Variants in EGFR observed in about 807,000 individuals in gnomAD.
EGFR encodes the protein avian erythroblastic leukemia viral (v-erb-b) oncogene homolog.
Under a neutral mutation model 143.0 loss-of-function variants are expected in EGFR, and 58 were observed. The observed-to-expected ratio is 0.41, with a 90% CI of 0.33 to 0.50. The LOEUF is 0.50. EGFR is among the 20% of genes least tolerant of loss of function. EGFR has a pLI of 0.39. For missense variants in EGFR, 1,307 were observed against 1,579.0 expected (o/e 0.83, Z 2.92); for synonymous variants, 613 against 594.4 (o/e 1.03, Z -0.45).
intron 19 of EGFR, among the ~76,000 whole-genome samples, chr7:55,175,344 C>A (rs1786550471): frequency 6.6e-6 from 1 of 152,232 alleles, no homozygotes; most frequent in Non-Finnish European, 1.5e-5. Flanking sequence ...TCTGTACTTT[C>A]TCTCAGAATA....
rs116709001 is a variant in EGFR, at chr7:55,106,585, G to A, written c.89-35701G>A. On this transcript the variant is annotated intron_variant, in intron 1 of 27. Transcript: ENST00000275493. ...CAAAAATCAGGCCTGCACTGCCTGT[G>A]CACTCCACAATCCACAGGCCTGAAG... Among the ~76,000 whole-genome samples the A allele has an allele frequency of 2.3e-3, 356 of 152,262 alleles. 1 individual carries two copies. Among genetic ancestry groups the A allele is most frequent in the African/African-American group, 8.3e-3 (343 of 41,544 alleles).
intron 1 of EGFR, among the ~76,000 whole-genome samples, chr7:55,120,249 A>T (rs1331080852): frequency 6.6e-6 from 1 of 152,166 alleles, no homozygotes; most frequent in Non-Finnish European, 1.5e-5. Context: ...GGGGGACGCC[A>T]CCCACCCTCG....
chr7:55,205,687 CT>C lies in EGFR; in HGVS notation c.*71del. On this transcript the variant is annotated 3_prime_UTR_variant, in exon 28 of 28. Transcript: ENST00000275493. ...ACCCAGGACCAAGCCACAGCAGGTC[CT>C]CCATCCCAACAGCCATGCCCGCATT... The C allele has an allele frequency of 6.2e-7, 1 of 1,612,190 alleles. No homozygotes were observed. Among genetic ancestry groups the C allele is most frequent in the South Asian group, 1.1e-5 (1 of 90,774 alleles).
chr7:55,156,298 G>A (rs1393905133), intron 8 of EGFR, among the ~76,000 whole-genome samples: 1 of 152,210 alleles, frequency 6.6e-6, no homozygotes, highest in Non-Finnish European at 1.5e-5. Flanking sequence ...TGAGGTGACA[G>A]GGATGGCATC....
chr7:55,140,726 C>A (rs984023586), intron 1 of EGFR, among the ~76,000 whole-genome samples: 16 of 152,168 alleles, frequency 1.1e-4, no homozygotes, highest in Admixed American at 1.0e-3. Context: ...AATAATTCTG[C>A]CCCTGGTGAT....
chr7:55,148,859 CA>C (rs35004531), intron 4 of EGFR, among the ~76,000 whole-genome samples: 63 of 143,470 alleles, frequency 4.4e-4, no homozygotes, highest in Middle Eastern at 3.5e-3. Flanking sequence ...TAGTCTTCAC[CA>C]AAAAAAAAAA....
At chr7:55,187,414 G>T (rs1480973649) in intron 20 of EGFR, among the ~76,000 whole-genome samples, 3 of 152,300 alleles carry the variant, frequency 2.0e-5, no homozygotes, top group African/African-American at 4.8e-5. Flanking sequence ...GATCCAGGTG[G>T]CCTGGTTCCA....
At chr7:55,202,205 A>G (rs1436804606) in intron 26 of EGFR, among the ~76,000 whole-genome samples, 1 of 152,200 alleles carries the variant, frequency 6.6e-6, no homozygotes, top group East Asian at 1.9e-4. Flanking sequence ...AATAAAATAT[A>G]AAATTCAGTT....
At chr7:55,111,153 C>T (rs754609679) in intron 1 of EGFR, among the ~76,000 whole-genome samples, 1 of 152,166 alleles carries the variant, frequency 6.6e-6, no homozygotes, top group Non-Finnish European at 1.5e-5. Flanking sequence ...GGGTATCGCG[C>T]GGTGTGTGCT....
chr7:55,023,326 A>G (rs556646502), intron 1 of EGFR, among the ~76,000 whole-genome samples: 3 of 152,164 alleles, frequency 2.0e-5, no homozygotes, highest in Non-Finnish European at 2.9e-5. Context: ...GTTCACCCAC[A>G]TGTTGCTTCC....
chr7:55,073,657 G>C (rs958300081), intron 1 of EGFR, among the ~76,000 whole-genome samples: 1 of 152,212 alleles, frequency 6.6e-6, no homozygotes, highest in Admixed American at 6.5e-5. Flanking sequence ...TTCGTCCCAT[G>C]TGTCCCATGA....
At chr7:55,162,588 A>G (rs1262509475) in intron 13 of EGFR, among the ~76,000 whole-genome samples, 1 of 152,196 alleles carries the variant, frequency 6.6e-6, no homozygotes, top group Non-Finnish European at 1.5e-5. Context: ...TTAAGAGGCA[A>G]GGTGATGAAA....
At chr7:55,032,461 G>A (rs182223047) in intron 1 of EGFR, among the ~76,000 whole-genome samples, 13 of 152,300 alleles carry the variant, frequency 8.5e-5, no homozygotes, top group Non-Finnish European at 1.9e-4. Context: ...AACGGCACCA[G>A]CACACACTTT....
intron 20 of EGFR, 40 bp from the exon 21 acceptor site, chr7:55,191,679 T>C (rs760785240): frequency 6.2e-7 from 1 of 1,612,396 alleles, no homozygotes; most frequent in Admixed American, 1.7e-5. Context: ...CTTCTTCCCA[T>C]GATGATCTGT....
chr7:55,190,696 A>G (rs1224639804), intron 20 of EGFR, among the ~76,000 whole-genome samples: 1 of 152,162 alleles, frequency 6.6e-6, no homozygotes, highest in Non-Finnish European at 1.5e-5. Flanking sequence ...ACTCTGTACT[A>G]GAAAGTACAT....
At chr7:55,155,056 G>A (rs577071918) in intron 7 of EGFR, among the ~76,000 whole-genome samples, 37 of 152,266 alleles carry the variant, frequency 2.4e-4, no homozygotes, top group Admixed American at 2.1e-3. Context: ...AAAACACTTC[G>A]AGCCTGAGAT....
At chr7:55,090,602 A>G (rs1791052949) in intron 1 of EGFR, among the ~76,000 whole-genome samples, 1 of 152,222 alleles carries the variant, frequency 6.6e-6, no homozygotes, top group South Asian at 2.1e-4. Flanking sequence ...TTATGACCTG[A>G]AAGTTTCACC....
intron 27 of EGFR, among the ~76,000 whole-genome samples, chr7:55,204,780 C>G (rs991871215): frequency 4.1e-5 from 6 of 147,446 alleles, no homozygotes; most frequent in African/African-American, 1.5e-4. Flanking sequence ...ATACACACCA[C>G]ACACACCATA....
chr7:55,053,330 A>C (rs2128875204), intron 1 of EGFR, among the ~76,000 whole-genome samples: 1 of 152,328 alleles, frequency 6.6e-6, no homozygotes, highest in South Asian at 2.1e-4. Context: ...TCTAGAAATA[A>C]GGCTAAGTAT....
Sources: gnomAD v4.1 joint callset for allele counts (sites outside exome capture counted in the v4.1 genomes callset) on GRCh38, gnomAD v4.1.1 for gene constraint, MANE v1.5 for transcripts, NCBI Gene and HGNC (gene_info 2026-07-23, HGNC 2026-07-21) for gene names.